SORCS1: variants seen among roughly 807,000 people sequenced by gnomAD.
SORCS1 encodes the protein sortilin related VPS10 domain containing receptor 1.
Under a neutral mutation model 146.1 loss-of-function variants are expected in SORCS1, and 60 were observed. The ratio of observed to expected loss-of-function variants is 0.41; its 90% CI spans 0.33 to 0.51. SORCS1 has a LOEUF of 0.51. Ranked by LOEUF, SORCS1 falls within the 20% of genes least tolerant of loss-of-function variation. The pLI is 0.21. For missense variants in SORCS1, 1,352 were observed against 1,487.6 expected (o/e 0.91, Z 1.50); for synonymous variants, 637 against 584.0 (o/e 1.09, Z -1.31).
intron 1 of SORCS1, among the ~76,000 whole-genome samples, chr10:107,057,565 T>A (rs1040914371): frequency 5.9e-5 from 9 of 152,170 alleles, no homozygotes; most frequent in Non-Finnish European, 1.3e-4. Context: ...AGATAGAGTT[T>A]CCACACTTGA....
intron 13 of SORCS1, among the ~76,000 whole-genome samples, chr10:106,676,126 T>C (rs1486856479): frequency 1.3e-5 from 2 of 152,324 alleles, no homozygotes; most frequent in Middle Eastern, 3.4e-3. Flanking sequence ...TTAGCCTTTC[T>C]TTTTTCTCTC....
intron 1 of SORCS1, among the ~76,000 whole-genome samples, chr10:107,071,509 C>A (rs927344983): frequency 6.6e-6 from 1 of 152,106 alleles, no homozygotes; most frequent in African/African-American, 2.4e-5. Context: ...CCCCTGGAGC[C>A]CTTGCAATGT....
chr10:106,901,167 C>G (rs1187705249), intron 2 of SORCS1, among the ~76,000 whole-genome samples: 1 of 152,168 alleles, frequency 6.6e-6, no homozygotes, highest in Non-Finnish European at 1.5e-5. Flanking sequence ...ACAGAGATCA[C>G]TCAAGGGAGT....
chr10:107,151,940 CATGT>C (rs1355936081), intron 1 of SORCS1, among the ~76,000 whole-genome samples: 2 of 152,176 alleles, frequency 1.3e-5, no homozygotes, highest in Non-Finnish European at 2.9e-5. Context: ...GTCTCCAGGG[CATGT>C]CAGAGACCTT....
At chr10:107,077,128 T>A (rs1309135189) in intron 1 of SORCS1, among the ~76,000 whole-genome samples, 2 of 152,058 alleles carry the variant, frequency 1.3e-5, no homozygotes, top group Non-Finnish European at 2.9e-5. Context: ...ACCTAAAGTT[T>A]CACATGTTTC....
At chr10:106,725,234 C>T (rs1249516056) in intron 6 of SORCS1, among the ~76,000 whole-genome samples, 4 of 152,014 alleles carry the variant, frequency 2.6e-5, no homozygotes. Context: ...GAATAAAAAC[C>T]ATGGGTTCCA....
At chr10:106,616,948 C>CTTT (rs1847403927) in intron 21 of SORCS1, among the ~76,000 whole-genome samples, 1 of 145,208 alleles carries the variant, frequency 6.9e-6, no homozygotes, top group Non-Finnish European at 1.5e-5. Context: ...CTCTCTTGCT[C>CTTT]TTTCTTTTTT....
intron 1 of SORCS1, among the ~76,000 whole-genome samples, chr10:107,041,291 A>C (rs995268451): frequency 2.6e-5 from 4 of 152,156 alleles, no homozygotes; most frequent in African/African-American, 7.2e-5. Context: ...GCAGTTAAGC[A>C]TTTGATGATG....
At chr10:106,649,043 C>T (rs1017704119) in intron 18 of SORCS1, among the ~76,000 whole-genome samples, 7 of 152,140 alleles carry the variant, frequency 4.6e-5, no homozygotes, top group Admixed American at 6.5e-5. Flanking sequence ...CCCACTCCAT[C>T]CCCTTCTGGC....
chr10:106,883,824 A>G (rs1202386960), intron 2 of SORCS1, among the ~76,000 whole-genome samples: 1 of 152,188 alleles, frequency 6.6e-6, no homozygotes, highest in Non-Finnish European at 1.5e-5. Context: ...GATGTTTCTG[A>G]TCTTGCACAG....
rs537137038 is a variant in SORCS1, at chr10:106,841,295, C to A, written c.627-11622G>T. On this transcript the variant is annotated intron_variant, in intron 2 of 25. Coordinates refer to ENST00000263054, the MANE Select transcript of SORCS1 (RefSeq NM_052918.5). ...GACCAGCCTGGGCAACATGGTGAAA[C>A]CCCATCTTTACTAAAAATACAAAAA... Among the ~76,000 whole-genome samples, 240 of 152,084 alleles carry A rather than the reference C, an allele frequency of 1.6e-3. 4 individuals are homozygous for A. The highest frequency in any genetic ancestry group is 5.4e-3 in the African/African-American group (226 of 41,524).
At chr10:106,721,188 G>T (rs537637509) in intron 6 of SORCS1, among the ~76,000 whole-genome samples, 1 of 152,224 alleles carries the variant, frequency 6.6e-6, no homozygotes, top group Admixed American at 6.5e-5. Context: ...TCAGGAAGTG[G>T]TAAGGATCTG....
intron 2 of SORCS1, among the ~76,000 whole-genome samples, chr10:106,868,237 C>T (rs1245177923): frequency 6.6e-6 from 1 of 152,078 alleles, no homozygotes; most frequent in Non-Finnish European, 1.5e-5. Flanking sequence ...CACAGACTCC[C>T]ACATAATAAT....
chr10:106,858,908 A>T (rs1057371935), intron 2 of SORCS1, among the ~76,000 whole-genome samples: 1 of 151,832 alleles, frequency 6.6e-6, no homozygotes, highest in Non-Finnish European at 1.5e-5. Flanking sequence ...TCTGTGCCCA[A>T]TGTATCCAAT....
At chr10:107,138,146 T>G (rs1043007454) in intron 1 of SORCS1, among the ~76,000 whole-genome samples, 1 of 151,920 alleles carries the variant, frequency 6.6e-6, no homozygotes, top group Non-Finnish European at 1.5e-5. Flanking sequence ...GTCAATTAAT[T>G]TTTTTTTAAA....
chr10:106,643,591 C>T (rs1194378838), intron 18 of SORCS1, among the ~76,000 whole-genome samples: 1 of 152,260 alleles, frequency 6.6e-6, no homozygotes, highest in Non-Finnish European at 1.5e-5. Flanking sequence ...CCAGATCTGA[C>T]AGCTGGAGGC....
chr10:106,842,196 G>C (rs1949076922), intron 2 of SORCS1, among the ~76,000 whole-genome samples: 1 of 151,982 alleles, frequency 6.6e-6, no homozygotes, highest in African/African-American at 2.4e-5. Context: ...TATTTTATAT[G>C]CTTACTGGAC....
intron 3 of SORCS1, among the ~76,000 whole-genome samples, chr10:106,815,947 G>C (rs756023414): frequency 2.6e-5 from 4 of 152,120 alleles, no homozygotes; most frequent in South Asian, 2.1e-4. Context: ...TAAATCAAAC[G>C]GGGAAAGGCA....
chr10:106,790,952 T>A (rs765111890), intron 3 of SORCS1, among the ~76,000 whole-genome samples: 2 of 152,222 alleles, frequency 1.3e-5, no homozygotes, highest in Non-Finnish European at 2.9e-5. Flanking sequence ...CCCAAAAACG[T>A]ACTCAGAATA....
Sources: gnomAD v4.1 joint callset for allele counts (sites outside exome capture counted in the v4.1 genomes callset) on GRCh38, gnomAD v4.1.1 for gene constraint, MANE v1.5 for transcripts, NCBI Gene and HGNC (gene_info 2026-07-23, HGNC 2026-07-21) for gene names.